Variants in RNF130 observed in about 807,000 individuals in gnomAD.
RNF130 encodes E3 ubiquitin-protein ligase RNF130.
RNF130 carries 21 observed loss-of-function variants against 44.6 expected under a neutral mutation model. The observed-to-expected ratio is 0.47, with a 90% CI of 0.33 to 0.68. RNF130 has a LOEUF of 0.68. Among genes scored for constraint, RNF130 ranks in the 30% least tolerant of loss-of-function variants. RNF130 has a pLI of 0.02. For missense variants in RNF130, 479 were observed against 560.6 expected (o/e 0.85, Z 1.47); for synonymous variants, 214 against 210.4 (o/e 1.02, Z -0.15).
chr5:179,987,366 C>T (rs1366895686), intron 3 of RNF130, among the ~76,000 whole-genome samples: 1 of 152,126 alleles, frequency 6.6e-6, no homozygotes, highest in Non-Finnish European at 1.5e-5. Context: ...AAGGGGTCTC[C>T]CCACATTGCC....
downstream of RNF130, among the ~76,000 whole-genome samples, chr5:179,953,902 C>T (rs1762163561): frequency 6.6e-6 from 1 of 152,074 alleles, no homozygotes; most frequent in African/African-American, 2.4e-5. Flanking sequence ...AGAACTCTTA[C>T]AACAAAAAAC....
intron 3 of RNF130, among the ~76,000 whole-genome samples, chr5:179,999,352 GCTTAGTTTTTATTTCC>G (rs1364704538): frequency 1.3e-5 from 2 of 152,120 alleles, no homozygotes; most frequent in Non-Finnish European, 2.9e-5. Flanking sequence ...AGCCACTCCT[GCTTAGTTTTTATTTCC>G]CTTTGCATGG....
At chr5:180,011,203 T>A (rs1763589066) in intron 3 of RNF130, among the ~76,000 whole-genome samples, 1 of 152,136 alleles carries the variant, frequency 6.6e-6, no homozygotes, top group African/African-American at 2.4e-5. Flanking sequence ...TAAAACCAAG[T>A]AAGAAGAGAC....
At chr5:179,979,386 T>C (rs779011302) in intron 4 of RNF130, among the ~76,000 whole-genome samples, 4 of 150,704 alleles carry the variant, frequency 2.7e-5, no homozygotes, top group East Asian at 1.9e-4. Flanking sequence ...GTCCAAGAAA[T>C]TGGTAAAACT....
chr5:179,980,966 T>A (rs897930209), intron 3 of RNF130, among the ~76,000 whole-genome samples: 1 of 151,204 alleles, frequency 6.6e-6, no homozygotes, highest in Non-Finnish European at 1.5e-5. Context: ...CAGGGCCAGG[T>A]GGCAGCACAG....
chr5:179,932,818 A>G (rs1437028028), intron 7 of RNF130, among the ~76,000 whole-genome samples: 2 of 152,092 alleles, frequency 1.3e-5, no homozygotes, highest in African/African-American at 4.8e-5. Context: ...CCTGGGCAAC[A>G]GAGTGAGACT....
chr5:179,965,303 G>A (rs114362050), intron 7 of RNF130, among the ~76,000 whole-genome samples: 2,147 of 152,344 alleles, frequency 0.014, 64 homozygotes, highest in African/African-American at 0.05. Flanking sequence ...GTGGGTGCCA[G>A]CGGGAGGCAC....
At chr5:179,945,372 T>A (rs1374239036) in intron 7 of RNF130, among the ~76,000 whole-genome samples, 1 of 151,954 alleles carries the variant, frequency 6.6e-6, no homozygotes. Context: ...CTGGGCTGAG[T>A]GGTACCTGAG....
chr5:179,917,154 G>A (rs1761557835), exon 8 of RNF130: 1 of 151,256 alleles, frequency 6.6e-6, no homozygotes, highest in Non-Finnish European at 1.5e-5. Context: ...TCGCGCCACT[G>A]CACTCCAGCC....
chr5:180,013,721 T>A (rs2113086743), intron 2 of RNF130, among the ~76,000 whole-genome samples: 1 of 152,334 alleles, frequency 6.6e-6, no homozygotes, highest in African/African-American at 2.4e-5. Flanking sequence ...CTTCAGAAAG[T>A]CTTAATTCCT....
rs563278644 is a variant in RNF130, at chr5:180,042,907, C to G, written c.248-2260G>C. Among the ~76,000 whole-genome samples the G allele has an allele frequency of 2.0e-5, 3 of 152,344 alleles. No homozygotes were observed. The East Asian group carries it at 5.8e-4, about 29-fold the overall frequency. On this transcript the variant is annotated intron_variant, in intron 1 of 8. Transcript: ENST00000521389. ...TGTGCTCCAAGGTCTAGATCAACTGCTTACTAGCTGTGTAACTATCACAGG... is the reference window on the plus strand; with the variant it reads ...TGTGCTCCAAGGTCTAGATCAACTGGTTACTAGCTGTGTAACTATCACAGG...
intron 2 of RNF130, among the ~76,000 whole-genome samples, chr5:180,021,922 C>T (rs560888759): frequency 6.6e-6 from 1 of 152,194 alleles, no homozygotes; most frequent in Non-Finnish European, 1.5e-5. Flanking sequence ...TCAGTCGTCA[C>T]GTCATAGCCA....
Position 179,955,408 on chromosome 5 carries a change from C to T in RNF130, c.*246G>A, listed in dbSNP as rs549610547. The T allele has an allele frequency of 8.7e-4, 357 of 412,222 alleles. 1 individual carries two copies. Among genetic ancestry groups the T allele is most frequent in the Admixed American group, 2.4e-3 (59 of 24,554 alleles). The allele number at this position is 412,222 out of a possible 1,614,324, so 25.5% of individuals were successfully genotyped here. A position where few individuals can be genotyped will look rare whatever the true frequency, so the allele number is the denominator to read the frequency against. ...TCTGTCTCTGAAACACAAACAAATG[C>T]AATCTGGGTCTGCGAGCTTCAAATC... On this transcript the variant is annotated 3_prime_UTR_variant, in exon 9 of 9. Transcript: ENST00000521389.
intron 7 of RNF130, among the ~76,000 whole-genome samples, chr5:179,931,858 C>T (rs1017692818): frequency 1.3e-5 from 2 of 152,134 alleles, no homozygotes; most frequent in African/African-American, 4.8e-5. Context: ...CTGTAGAGTA[C>T]CTTCAAAACT....
chr5:179,988,376 TGTTTTTA>T (rs1475157673), intron 3 of RNF130, among the ~76,000 whole-genome samples: 1 of 152,208 alleles, frequency 6.6e-6, no homozygotes, highest in Non-Finnish European at 1.5e-5. Flanking sequence ...CTTTGTATTG[TGTTTTTA>T]GTCTCTGTTT....
At position 180,062,125 on chromosome 5, in the gene RNF130, G is replaced by C. The variant is rs1377743195; in HGVS notation, c.247+9331C>G. ...GCTGGAGTGCAGTGGCACGACCTTG[G>C]CTCACTGCAACCTCTGCCTCCCAGG... On this transcript the variant is annotated intron_variant, in intron 1 of 8. Coordinates refer to ENST00000521389, the MANE Select transcript of RNF130 (RefSeq NM_018434.6). Among the ~76,000 whole-genome samples, 3 of 150,964 alleles carry C rather than the reference G, an allele frequency of 2.0e-5. No individual in the cohort carries two copies. In the Middle Eastern group the frequency reaches 0.01, roughly 517 times the overall value.
intron 7 of RNF130, among the ~76,000 whole-genome samples, chr5:179,948,847 T>G (rs1762084018): frequency 6.6e-6 from 1 of 151,696 alleles, no homozygotes; most frequent in East Asian, 1.9e-4. Flanking sequence ...CTTATCAGGC[T>G]AAGACTGCCT....
chr5:180,050,113 A>G (rs1189744943), intron 1 of RNF130, among the ~76,000 whole-genome samples: 1 of 152,066 alleles, frequency 6.6e-6, no homozygotes, highest in Non-Finnish European at 1.5e-5. Flanking sequence ...AGGCAGGGCC[A>G]CTCTCCCTAT....
chr5:179,946,786 C>T (rs1048302021), intron 7 of RNF130, among the ~76,000 whole-genome samples: 1 of 152,162 alleles, frequency 6.6e-6, no homozygotes, highest in Non-Finnish European at 1.5e-5. Flanking sequence ...GATCTCCTGA[C>T]CTCGTGATCC....
Sources: gnomAD v4.1 joint callset for allele counts (sites outside exome capture counted in the v4.1 genomes callset) on GRCh38, gnomAD v4.1.1 for gene constraint, MANE v1.5 for transcripts, NCBI Gene and HGNC (gene_info 2026-07-23, HGNC 2026-07-21) for gene names.